The following WWOX variants were observed in gnomAD, a reference collection of about 807,000 sequenced individuals.
WWOX encodes the protein WW domain containing oxidoreductase.
Under a neutral mutation model 46.2 loss-of-function variants are expected in WWOX, and 69 were observed. The ratio of observed to expected loss-of-function variants is 1.49; its 90% CI spans 1.23 to 1.82. The LOEUF is 1.82. Ranked by LOEUF, WWOX falls within the 40% of genes most tolerant of loss-of-function variation. The pLI is 0.00. For missense variants in WWOX, 919 were observed against 542.6 expected, an observed-to-expected ratio of 1.69 and a Z score of -6.89; for synonymous variants, 359 against 202.6, an observed-to-expected ratio of 1.77 and a Z score of -6.56.
intron 8 of WWOX, among the ~76,000 whole-genome samples, chr16:79,115,385 G>C (rs2049495850): frequency 6.6e-6 from 1 of 152,182 alleles, no homozygotes; most frequent in Non-Finnish European, 1.5e-5. Context: ...TCAGTAAGTA[G>C]GAAAGAAACT....
At chr16:78,388,419 G>T (rs976443118) in intron 6 of WWOX, among the ~76,000 whole-genome samples, 1 of 152,090 alleles carries the variant, frequency 6.6e-6, no homozygotes, top group Non-Finnish European at 1.5e-5. Context: ...GGCCAAGGCG[G>T]GGAGGGTCAT....
intron 8 of WWOX, chr16:78,825,703 G>C (rs1398649805): frequency 1.8e-6 from 1 of 550,568 alleles, no homozygotes; most frequent in Non-Finnish European, 3.5e-6. Context: ...GGGAGACTCT[G>C]AGGACAGAGG....
intron 6 of WWOX, among the ~76,000 whole-genome samples, chr16:78,388,419 G>A (rs976443118): frequency 8.5e-5 from 13 of 152,090 alleles, no homozygotes; most frequent in Admixed American, 1.3e-4. Flanking sequence ...GGCCAAGGCG[G>A]GGAGGGTCAT....
chr16:78,686,490 G>A (rs887866398), intron 8 of WWOX, among the ~76,000 whole-genome samples: 6 of 147,610 alleles, frequency 4.1e-5, no homozygotes, highest in African/African-American at 1.5e-4. Context: ...CAGCCTGGGG[G>A]ACAGAGCGAG....
Position 78,278,714 on chromosome 16 carries a change from T to G in WWOX, c.517-108146T>G, listed in dbSNP as rs148709546. 978 of 1,516,302 alleles carry G rather than the reference T, an allele frequency of 6.4e-4. 7 individuals are homozygous for G. In the African/African-American group the frequency reaches 0.012, roughly 18 times the overall value. 93.9% of individuals were successfully genotyped at this position (1,516,302 alleles called of 1,614,324 possible). A position where few individuals can be genotyped will look rare whatever the true frequency, so the allele number is the denominator to read the frequency against. The stretch of plus-strand genomic sequence containing the variant: ...GTCTCATCAATTACATCTTCTTTTG[T>G]GGGTATTTCCTGGTCTTTTCATGTT... On this transcript the variant is annotated intron_variant, in intron 5 of 8. Transcript: ENST00000566780.
intron 8 of WWOX, among the ~76,000 whole-genome samples, chr16:78,620,969 T>C (rs954384307): frequency 1.3e-5 from 2 of 152,194 alleles, no homozygotes; most frequent in East Asian, 1.9e-4. Flanking sequence ...ACTGTATTTT[T>C]AGTTTTTTCT....
chr16:79,114,376 G>A (rs75271404), intron 8 of WWOX, among the ~76,000 whole-genome samples: 2 of 150,752 alleles, frequency 1.3e-5, no homozygotes, highest in African/African-American at 2.4e-5. Flanking sequence ...ACACGTGTGT[G>A]CACACATATC....
chr16:79,167,982 T>C (rs1049364211), intron 8 of WWOX, among the ~76,000 whole-genome samples: 3 of 152,240 alleles, frequency 2.0e-5, no homozygotes, highest in African/African-American at 7.2e-5. Context: ...TCAAAGAATA[T>C]GTGACCTTTT....
intron 8 of WWOX, among the ~76,000 whole-genome samples, chr16:79,020,990 C>G (rs1174909030): frequency 6.6e-6 from 1 of 152,028 alleles, no homozygotes; most frequent in Non-Finnish European, 1.5e-5. Context: ...TAGGTCACCC[C>G]AAGTTATTCA....
chr16:78,457,520 T>G (rs1050092861), intron 8 of WWOX, among the ~76,000 whole-genome samples: 1 of 152,116 alleles, frequency 6.6e-6, no homozygotes. Flanking sequence ...ATCTTTTTTT[T>G]CCCCAAATGC....
intron 8 of WWOX, among the ~76,000 whole-genome samples, chr16:78,495,145 C>CTTTGTTTTT (rs2084882225): frequency 8.6e-6 from 1 of 116,616 alleles, no homozygotes; most frequent in Non-Finnish European, 1.7e-5. Context: ...CTGTTGTGTT[C>CTTTGTTTTT]TTTTTTTTTT....
At chr16:78,301,790 C>G (rs1373979793) in intron 5 of WWOX, among the ~76,000 whole-genome samples, 1 of 152,136 alleles carries the variant, frequency 6.6e-6, no homozygotes, top group Non-Finnish European at 1.5e-5. Flanking sequence ...AACAGACACA[C>G]CGCCAGGCCT....
chr16:78,758,679 C>A (rs1266188485), intron 8 of WWOX, among the ~76,000 whole-genome samples: 1 of 152,112 alleles, frequency 6.6e-6, no homozygotes, highest in East Asian at 1.9e-4. Flanking sequence ...AATCGTGTCC[C>A]CTTTCCTCCC....
intron 8 of WWOX, among the ~76,000 whole-genome samples, chr16:78,753,627 C>G (rs905524243): frequency 6.6e-6 from 1 of 150,958 alleles, no homozygotes; most frequent in African/African-American, 2.4e-5. Flanking sequence ...TCATGAAATC[C>G]CATCTCTACA....
At chr16:78,847,603 G>A (rs918404070) in intron 8 of WWOX, among the ~76,000 whole-genome samples, 7 of 151,754 alleles carry the variant, frequency 4.6e-5, no homozygotes, top group Admixed American at 1.3e-4. Context: ...CTAAGTGTTG[G>A]GATTACAGAC....
At chr16:79,178,998 G>A (rs1258158597) in intron 8 of WWOX, among the ~76,000 whole-genome samples, 1 of 152,146 alleles carries the variant, frequency 6.6e-6, no homozygotes, top group Non-Finnish European at 1.5e-5. Context: ...GGTAAATGCA[G>A]CAGTGAGAAG....
At chr16:78,772,222 T>G (rs1166390534) in intron 8 of WWOX, among the ~76,000 whole-genome samples, 1 of 152,180 alleles carries the variant, frequency 6.6e-6, no homozygotes, top group Non-Finnish European at 1.5e-5. Context: ...GGCCCCAGTG[T>G]CTGTTGTTCT....
chr16:78,784,601 A>G (rs1264434601), intron 8 of WWOX, among the ~76,000 whole-genome samples: 3 of 152,162 alleles, frequency 2.0e-5, no homozygotes, highest in Non-Finnish European at 4.4e-5. Flanking sequence ...AGCTGTTTTA[A>G]AGATTAAATG....
chr16:78,804,412 C>G (rs936686442), intron 8 of WWOX, among the ~76,000 whole-genome samples: 1 of 145,884 alleles, frequency 6.9e-6, no homozygotes, highest in African/African-American at 2.5e-5. Context: ...GGCGCTCAGC[C>G]AAATTAAAAA....
Sources: gnomAD v4.1 joint callset for allele counts (sites outside exome capture counted in the v4.1 genomes callset) on GRCh38, gnomAD v4.1.1 for gene constraint, MANE v1.5 for transcripts, NCBI Gene and HGNC (gene_info 2026-07-23, HGNC 2026-07-21) for gene names.